SLC25A12: variants seen among roughly 807,000 people sequenced by gnomAD.
SLC25A12 encodes solute carrier family 25 member 12, also known as electrogenic aspartate/glutamate antiporter SLC25A12, mitochondrial.
Under a neutral mutation model 83.3 loss-of-function variants are expected in SLC25A12, and 32 were observed. The ratio of observed to expected loss-of-function variants is 0.38; its 90% CI spans 0.29 to 0.52. The LOEUF is 0.52. SLC25A12 is among the 20% of genes least tolerant of loss of function. SLC25A12 has a pLI of 0.84. For missense variants in SLC25A12, 611 were observed against 835.6 expected, an observed-to-expected ratio of 0.73 and a Z score of 3.31; for synonymous variants, 267 against 291.1, an observed-to-expected ratio of 0.92 and a Z score of 0.84.
chr2:171,810,668 T>G (rs1022702066), intron 11 of SLC25A12, among the ~76,000 whole-genome samples: 2 of 152,212 alleles, frequency 1.3e-5, no homozygotes, highest in African/African-American at 4.8e-5. Context: ...ACTGTACACT[T>G]GGAAAAGCTC....
intron 4 of SLC25A12, among the ~76,000 whole-genome samples, chr2:171,851,815 A>T (rs1243068380): frequency 1.3e-5 from 2 of 152,190 alleles, no homozygotes; most frequent in Non-Finnish European, 2.9e-5. Context: ...GATTACAGAC[A>T]TGAGTCACTG....
chr2:171,809,362 A>T, intron 13 of SLC25A12: 1 of 518,594 alleles, frequency 1.9e-6, no homozygotes, highest in Non-Finnish European at 3.5e-6. Flanking sequence ...CCTCTCCAGC[A>T]TCTGTTGTTT....
At chr2:171,847,664 T>C (rs1361810076) in intron 4 of SLC25A12, among the ~76,000 whole-genome samples, 4 of 152,210 alleles carry the variant, frequency 2.6e-5, no homozygotes, top group African/African-American at 9.7e-5. Flanking sequence ...TCACATCTTA[T>C]TGGCAGCAAA....
intron 8 of SLC25A12, among the ~76,000 whole-genome samples, chr2:171,831,603 G>C (rs1055847629): frequency 3.0e-4 from 45 of 152,118 alleles, no homozygotes; most frequent in Admixed American, 7.2e-4. Flanking sequence ...AGTTGTGATA[G>C]GGTTCATAAA....
At chr2:171,820,589 G>A (rs953398481) in intron 9 of SLC25A12, among the ~76,000 whole-genome samples, 4 of 131,076 alleles carry the variant, frequency 3.1e-5, no homozygotes, top group Non-Finnish European at 3.5e-5. Flanking sequence ...TTAGCCGGGC[G>A]CAGTGGCGGG....
intron 5 of SLC25A12, among the ~76,000 whole-genome samples, chr2:171,837,883 C>T (rs562645603): frequency 1.3e-5 from 2 of 152,192 alleles, no homozygotes; most frequent in Admixed American, 6.5e-5. Flanking sequence ...CTATCACTGG[C>T]TCTGGGCACC....
chr2:171,875,277 C>A (rs1685540987), intron 2 of SLC25A12, among the ~76,000 whole-genome samples: 1 of 152,162 alleles, frequency 6.6e-6, no homozygotes, highest in African/African-American at 2.4e-5. Flanking sequence ...GCCCTTAATC[C>A]GCTGCTCATT....
chr2:171,850,713 G>A lies in SLC25A12; in HGVS notation c.325+5121C>T, dbSNP rs185239354. Among the ~76,000 whole-genome samples the A allele has an allele frequency of 3.2e-3, 488 of 152,130 alleles. 3 individuals are homozygous for A. The highest frequency in any genetic ancestry group is 0.018 in the South Asian group (87 of 4,808). On this transcript the variant is annotated intron_variant, in intron 4 of 17. Coordinates refer to ENST00000422440, the MANE Select transcript of SLC25A12 (RefSeq NM_003705.5). ...TGACCTCAGGTGATCCTCCCGCCTC[G>A]GCCTCCCAAAGTGCTGGGATTACAG...
Position 171,850,908 on chromosome 2 carries a change from G to T in SLC25A12, c.325+4926C>A, listed in dbSNP as rs900997827. 3.3e-5 allele frequency among the ~76,000 whole-genome samples: 5 copies of T among 152,110 alleles called. 1 individual carries two copies. Among genetic ancestry groups the T allele is most frequent in the Non-Finnish European group, 7.4e-5 (5 of 68,018 alleles). On this transcript the variant is annotated intron_variant, in intron 4 of 17. Transcript: ENST00000422440. Reference sequence around the variant, plus strand: ...CATCCCAATTTATTCTCTCCTTCAGGGAAAAACAGCCTATTTCAGAGGCAC... The same window carrying T: ...CATCCCAATTTATTCTCTCCTTCAGTGAAAAACAGCCTATTTCAGAGGCAC...
chr2:171,785,715 A>G (rs1184004358), intron 17 of SLC25A12, among the ~76,000 whole-genome samples: 1 of 152,236 alleles, frequency 6.6e-6, no homozygotes, highest in Non-Finnish European at 1.5e-5. Flanking sequence ...TTGCATACAT[A>G]TATAAACAAA....
chr2:171,794,881 C>A (rs1435798060), intron 13 of SLC25A12, among the ~76,000 whole-genome samples: 1 of 152,018 alleles, frequency 6.6e-6, no homozygotes, highest in Non-Finnish European at 1.5e-5. Flanking sequence ...TATAGAACAC[C>A]TAAAAATTCA....
rs1261545240 is a variant in SLC25A12, at chr2:171,787,864, A to G, written c.1669T>C (p.Tyr557His). 6.2e-7 allele frequency: 1 copy of G among 1,614,116 alleles called. No homozygotes were observed. The highest frequency in any genetic ancestry group is 1.3e-5 in the African/African-American group (1 of 74,944). The change falls in exon 16 of 18, where the codon TAC becomes CAC. Residue 557 changes from tyrosine to histidine, a missense_variant. Transcript: ENST00000422440. The part of the protein sequence containing the change: ...QVAARAGQTT[Y>H]SGVIDCFRKI... ...CTGAAACAGTCGATGACACCACTGTATGTCGTCTGGCCAGCGCGGGCAGCC... is the reference window on the plus strand; with the variant it reads ...CTGAAACAGTCGATGACACCACTGTGTGTCGTCTGGCCAGCGCGGGCAGCC...
At chr2:171,831,063 G>T (rs1684420359) in intron 8 of SLC25A12, among the ~76,000 whole-genome samples, 1 of 152,340 alleles carries the variant, frequency 6.6e-6, no homozygotes, top group Non-Finnish European at 1.5e-5. Flanking sequence ...GCGTAGCCTA[G>T]CTCTATGTGA....
intron 9 of SLC25A12, among the ~76,000 whole-genome samples, chr2:171,823,673 A>G (rs756515858): frequency 1.3e-5 from 2 of 152,166 alleles, no homozygotes; most frequent in African/African-American, 2.4e-5. Flanking sequence ...CAAACATTTT[A>G]GCTGAGTGCA....
intron 6 of SLC25A12, among the ~76,000 whole-genome samples, chr2:171,835,636 C>A (rs1267860864): frequency 1.3e-5 from 2 of 152,232 alleles, no homozygotes; most frequent in Non-Finnish European, 2.9e-5. Flanking sequence ...GCAAAAGCCT[C>A]ATTTCCAAGC....
At chr2:171,837,709 A>C (rs1444757872) in intron 5 of SLC25A12, among the ~76,000 whole-genome samples, 1 of 152,188 alleles carries the variant, frequency 6.6e-6, no homozygotes, top group Non-Finnish European at 1.5e-5. Flanking sequence ...TAAATGTTGC[A>C]ATCAAAGTCT....
chr2:171,801,959 A>G (rs1406852460), intron 13 of SLC25A12, among the ~76,000 whole-genome samples: 1 of 151,288 alleles, frequency 6.6e-6, no homozygotes, highest in Non-Finnish European at 1.5e-5. Context: ...GTACAGAAAG[A>G]CAGAAATTTT....
chr2:171,875,346 A>T (rs1685542149), intron 2 of SLC25A12, among the ~76,000 whole-genome samples: 1 of 152,066 alleles, frequency 6.6e-6, no homozygotes. Context: ...TCGTTCTTTC[A>T]TTGCTTCATT....
At chr2:171,888,432 A>G (rs148979869) in intron 2 of SLC25A12, among the ~76,000 whole-genome samples, 1 of 150,934 alleles carries the variant, frequency 6.6e-6, no homozygotes, top group African/African-American at 2.4e-5. Flanking sequence ...AAATATATAT[A>G]TATTTTTTTA....
Sources: gnomAD v4.1 joint callset for allele counts (sites outside exome capture counted in the v4.1 genomes callset) on GRCh38, gnomAD v4.1.1 for gene constraint, MANE v1.5 for transcripts, NCBI Gene and HGNC (gene_info 2026-07-23, HGNC 2026-07-21) for gene names.